The following ATAD2B variants were observed in gnomAD, a reference collection of about 807,000 sequenced individuals.
ATAD2B encodes the protein ATPase family AAA domain containing 2B.
In ATAD2B, 40 loss-of-function variants were observed where a neutral mutation model predicts 167.6. The ratio of observed to expected loss-of-function variants is 0.24; its 90% CI spans 0.19 to 0.31. ATAD2B has a LOEUF of 0.31. ATAD2B is among the 10% of genes least tolerant of loss of function. ATAD2B has a pLI of 1.00. For missense variants in ATAD2B, 1,242 were observed against 1,757.2 expected (o/e 0.71, Z 5.24); for synonymous variants, 579 against 596.5 (o/e 0.97, Z 0.43).
chr2:23,824,133 A>C (rs1171056494), intron 15 of ATAD2B, among the ~76,000 whole-genome samples: 4 of 151,656 alleles, frequency 2.6e-5, no homozygotes, highest in African/African-American at 9.7e-5. Flanking sequence ...CTTTTCTTTT[A>C]TTTATTTTTG....
At chr2:23,752,164 T>C in intron 27 of ATAD2B, 77 bp from the exon 28 acceptor site, 1 of 1,085,132 alleles carries the variant, frequency 9.2e-7, no homozygotes, top group South Asian at 1.4e-5. Context: ...GAATTCACTT[T>C]AAATTTTTAG....
chr2:23,690,617 G>A, the ATAD2B span: 1 of 152,272 alleles, frequency 6.6e-6, no homozygotes, highest in Admixed American at 6.5e-5. Flanking sequence ...CGGGCTCAGG[G>A]TGGGAAGCAG....
chr2:23,799,705 G>A (rs1158357505), intron 18 of ATAD2B: 1 of 150,846 alleles, frequency 6.6e-6, no homozygotes, highest in Middle Eastern at 3.2e-3. Context: ...TTTAAATAGT[G>A]TATTTTATAC....
the ATAD2B span, chr2:23,684,326 A>G: frequency 8.4e-7 from 1 of 1,189,018 alleles, no homozygotes; most frequent in Non-Finnish European, 1.1e-6. This position sits in a 1 kb window ranked among gnomAD's most constrained non-coding sequence, Gnocchi z 4.4. Flanking sequence ...AAAAAGAAAA[A>G]AAACTTTTTT....
Position 23,758,062 on chromosome 2 carries a change from C to A in ATAD2B, c.3434G>T (p.Gly1145Val), listed in dbSNP as rs1676154357. Residue 1145 changes from glycine (G) to valine (V), a missense_variant, in exon 25 of 28, where the codon GGT (glycine) becomes GTT (valine). By Grantham distance (109) the Gly-to-Val change is moderately radical (BLOSUM62 -3). Around this residue, in one of 9 missense-constraint regions of ATAD2B, gnomAD observed 204 missense variants for 324.0 expected, o/e 0.63. Transcript: ENST00000238789. The stretch of plus-strand genomic sequence containing the variant: ...TTTCCTTTTCTTAATAATTCCTTTA[C>A]CCCACTGTGATCTCCGCCTTGATTT... ...RRKSRRRSQWGKGIIKKRKVN... is the reference protein window; with the variant it reads ...RRKSRRRSQWVKGIIKKRKVN... 6.3e-7 allele frequency: 1 copy of A among 1,598,378 alleles called. No individual in the cohort carries two copies. Among genetic ancestry groups the A allele is most frequent in the Non-Finnish European group, 8.5e-7 (1 of 1,176,834 alleles).
At chr2:23,691,985 C>T in the ATAD2B span, 91 of 1,084,796 alleles carry the variant, frequency 8.4e-5, no homozygotes, top group African/African-American at 1.3e-3. Context: ...ACACCTGAAG[C>T]TCCCTCACAT....
At chr2:23,883,722 G>C (rs1490026853) in intron 6 of ATAD2B, 3 of 652,574 alleles carry the variant, frequency 4.6e-6, no homozygotes, top group Non-Finnish European at 6.9e-6. Flanking sequence ...ATTAACTACA[G>C]AATTTTTAAA....
the ATAD2B span, among the ~76,000 whole-genome samples, chr2:23,679,085 A>C: frequency 6.6e-6 from 1 of 152,120 alleles, no homozygotes; most frequent in Non-Finnish European, 1.5e-5. Context: ...CTCAAACTGA[A>C]CTAGCAAAGG....
chr2:23,819,731 G>T lies in ATAD2B; in HGVS notation c.2267+16C>A, dbSNP rs1216667851. ...AATCACTCTAAATACAAAGAAAGTT[G>T]ATATAAATCACTCACATTGTAAAAT... On this transcript the variant is annotated intron_variant, in intron 17 of 27. Coordinates refer to ENST00000238789, the MANE Select transcript of ATAD2B (RefSeq NM_017552.4). 22 of 1,564,524 alleles carry T rather than the reference G, an allele frequency of 1.4e-5. No homozygotes were observed. Among genetic ancestry groups the T allele is most frequent in the Admixed American group, 1.9e-5 (1 of 53,802 alleles).
In ATAD2B at chr2:23,810,633, A is replaced by G. The variant is rs1685409464; in HGVS notation, c.2268-131T>C. ...CAGAACTTTCCTATATTATTTTAGT[A>G]TAGTGACTTATTTTTTTATTAATTA... On this transcript the variant is annotated intron_variant, in intron 17 of 27. Coordinates refer to ENST00000238789, the MANE Select transcript of ATAD2B (RefSeq NM_017552.4). 6.0e-6 allele frequency: 4 copies of G among 672,010 alleles called. No individual in the cohort carries two copies. In the South Asian group the frequency reaches 9.2e-5, roughly 15 times the overall value. 41.6% of individuals were successfully genotyped at this position (672,010 alleles called of 1,614,324 possible). A position where few individuals can be genotyped will look rare whatever the true frequency, so the allele number is the denominator to read the frequency against.
At chr2:23,874,323 T>C (rs760834424) in intron 8 of ATAD2B, among the ~76,000 whole-genome samples, 1 of 151,930 alleles carries the variant, frequency 6.6e-6, no homozygotes, top group Non-Finnish European at 1.5e-5. Flanking sequence ...GAGGAAACCA[T>C]AGGAACAAAT....
At chr2:23,852,001 G>C (rs1342825790) in intron 13 of ATAD2B, among the ~76,000 whole-genome samples, 2 of 151,664 alleles carry the variant, frequency 1.3e-5, no homozygotes, top group East Asian at 1.9e-4. Flanking sequence ...GCATTAAGGA[G>C]ATAACAGAAT....
the ATAD2B span, among the ~76,000 whole-genome samples, chr2:23,726,662 T>C: frequency 6.6e-6 from 1 of 152,116 alleles, no homozygotes; most frequent in Non-Finnish European, 1.5e-5. Flanking sequence ...AATGAAATAT[T>C]ATTCAACCTT....
At chr2:23,683,408 C>A in the ATAD2B span, among the ~76,000 whole-genome samples, 35 of 152,344 alleles carry the variant, frequency 2.3e-4, no homozygotes, top group African/African-American at 8.4e-4. Context: ...GCAGATGAGG[C>A]AAGGCTGTTG....
chr2:23,864,100 G>A (rs1267695866), intron 11 of ATAD2B, among the ~76,000 whole-genome samples: 2 of 151,492 alleles, frequency 1.3e-5, no homozygotes, highest in Admixed American at 1.3e-4. Flanking sequence ...CGCTTCCTGG[G>A]TTCAACTGAT....
the ATAD2B span, chr2:23,708,390 T>C: frequency 6.6e-6 from 1 of 152,210 alleles, no homozygotes; most frequent in South Asian, 2.1e-4. Flanking sequence ...AATGTTAGCA[T>C]TGGTGTGCGT....
At chr2:23,904,133 T>C (rs969354119) in intron 1 of ATAD2B, among the ~76,000 whole-genome samples, 3 of 152,062 alleles carry the variant, frequency 2.0e-5, no homozygotes, top group Admixed American at 6.6e-5. Flanking sequence ...CAGAGACAGA[T>C]ATGAAACATG....
chr2:23,696,451 C>T, the ATAD2B span: 52 of 1,550,438 alleles, frequency 3.4e-5, 1 homozygote, highest in East Asian at 2.4e-5. The surrounding 1 kb of genome is among the most constrained non-coding windows in gnomAD (Gnocchi z 5.5). Flanking sequence ...GCCTCGTCTA[C>T]GATGGGAAGA....
intron 25 of ATAD2B, among the ~76,000 whole-genome samples, chr2:23,756,428 A>C (rs1362804412): frequency 6.6e-6 from 1 of 152,130 alleles, no homozygotes; most frequent in Non-Finnish European, 1.5e-5. Context: ...CCCAAATCCC[A>C]GGCTGAAGCT....
Sources: gnomAD v4.1 joint callset for allele counts (sites outside exome capture counted in the v4.1 genomes callset) on GRCh38, gnomAD v4.1.1 for gene constraint, gnomAD v4.1.1 regional missense constraint, Gnocchi (gnomAD v3.1) non-coding constraint, MANE v1.5 for transcripts, NCBI Gene and HGNC (gene_info 2026-07-23, HGNC 2026-07-21) for gene names.